TMC1: variants seen among roughly 807,000 people sequenced by gnomAD.
TMC1 encodes transmembrane channel like 1.
In TMC1, 84 loss-of-function variants were observed where a neutral mutation model predicts 105.8. That is an observed-to-expected ratio of 0.79 (90% CI 0.67 to 0.95). The LOEUF (loss-of-function observed/expected upper bound fraction) is 0.95. Among genes scored for constraint, TMC1 ranks in the 40% least tolerant of loss-of-function variants. The pLI is 0.00. For synonymous variants in TMC1, 315 were observed against 311.5 expected, an observed-to-expected ratio of 1.01 and a Z score of -0.12; for missense variants, 817 against 914.1, an observed-to-expected ratio of 0.89 and a Z score of 1.37.
intron 12 of TMC1, among the ~76,000 whole-genome samples, chr9:72,762,138 T>C (rs1827767020): frequency 6.6e-6 from 1 of 152,196 alleles, no homozygotes; most frequent in Non-Finnish European, 1.5e-5. Flanking sequence ...TCTCAGATTG[T>C]ACTACAGTTT....
At chr9:72,599,092 G>A (rs1043391419) in intron 2 of TMC1, among the ~76,000 whole-genome samples, 3 of 152,100 alleles carry the variant, frequency 2.0e-5, no homozygotes, top group African/African-American at 7.2e-5. Context: ...GTACAGTGGT[G>A]CAATCTCAGC....
At chr9:72,540,502 T>C (rs1014717159) in intron 1 of TMC1, among the ~76,000 whole-genome samples, 5 of 36,222 alleles carry the variant, frequency 1.4e-4, no homozygotes, top group African/African-American at 9.9e-4. Context: ...TCGTTCTGAC[T>C]TTTTTTTCTT....
rs370270527 is a variant in TMC1 at position 72,633,609 on chromosome 9, C to T, written c.-53+5546C>T. Among the ~76,000 whole-genome samples, 14 of 152,220 alleles carry T rather than the reference C, an allele frequency of 9.2e-5. No individual in the cohort carries two copies. In the South Asian group the frequency reaches 2.3e-3, roughly 25 times the overall value. On this transcript the variant is annotated intron_variant, in intron 4 of 23. Transcript: ENST00000297784. ...GTTTATTGATTGTTCCCACTCAGTTCGTTTGAGGTGAGGATTAAATGAGTT... is the reference window on the plus strand; with the variant it reads ...GTTTATTGATTGTTCCCACTCAGTTTGTTTGAGGTGAGGATTAAATGAGTT...
rs537902135 is a variant in TMC1, at chr9:72,683,455, G to A, written c.17-5254G>A. On this transcript the variant is annotated intron_variant, in intron 5 of 23. Coordinates refer to ENST00000297784, the MANE Select transcript of TMC1 (RefSeq NM_138691.3). ...GGGCAACTGAATGACCTTATACCTAGAGTTTTCAGAGTATAATATTACACA... is the reference window on the plus strand; with the variant it reads ...GGGCAACTGAATGACCTTATACCTAAAGTTTTCAGAGTATAATATTACACA... Among the ~76,000 whole-genome samples, 39 of 151,602 alleles carry A rather than the reference G, an allele frequency of 2.6e-4. No individual in the cohort carries two copies. In the South Asian group the frequency reaches 7.9e-3, roughly 31 times the overall value.
intron 4 of TMC1, among the ~76,000 whole-genome samples, chr9:72,629,939 C>T (rs1258707544): frequency 6.6e-6 from 1 of 152,040 alleles, no homozygotes; most frequent in Non-Finnish European, 1.5e-5. Context: ...GATCTTGGCT[C>T]ACTGCAACCT....
At chr9:72,759,018 G>A (rs1414896626) in intron 12 of TMC1, among the ~76,000 whole-genome samples, 1 of 152,118 alleles carries the variant, frequency 6.6e-6, no homozygotes, top group Admixed American at 6.5e-5. Context: ...CAGGTATTGG[G>A]TGACTAAAAA....
At chr9:72,581,404 G>T (rs995390780) in intron 2 of TMC1, among the ~76,000 whole-genome samples, 1 of 152,128 alleles carries the variant, frequency 6.6e-6, no homozygotes, top group Non-Finnish European at 1.5e-5. Flanking sequence ...TATTTTTAAT[G>T]AGTTGCTCAT....
At chr9:72,541,338 A>G (rs544933705) in intron 1 of TMC1, among the ~76,000 whole-genome samples, 6 of 152,370 alleles carry the variant, frequency 3.9e-5, no homozygotes, top group Middle Eastern at 3.4e-3. Context: ...CAAACCATAC[A>G]GAACAGTAGA....
At chr9:72,569,438 C>A (rs1320618013) in intron 1 of TMC1, among the ~76,000 whole-genome samples, 11 of 152,024 alleles carry the variant, frequency 7.2e-5, no homozygotes, top group Non-Finnish European at 7.4e-5. Flanking sequence ...ATCATTAAAT[C>A]CATAAAATAA....
chr9:72,737,795 GT>G, intron 8 of TMC1, among the ~76,000 whole-genome samples: 1 of 152,296 alleles, frequency 6.6e-6, no homozygotes, highest in African/African-American at 2.4e-5. Context: ...TGAGAACTTA[GT>G]TTTTAATTTT....
rs970965755 is a variant in TMC1, at chr9:72,622,232, A to C, written c.-195-5689A>C. On this transcript the variant is annotated intron_variant, in intron 3 of 23. Coordinates refer to ENST00000297784, the MANE Select transcript of TMC1 (RefSeq NM_138691.3). ...CAATGGTGGGTCACTTCTATAGATG[A>C]ACTCTGGCCCACCCGCAGCACCAAG... Among the ~76,000 whole-genome samples the C allele has an allele frequency of 4.6e-5, 7 of 152,226 alleles. No individual in the cohort carries two copies. The South Asian group carries it at 1.5e-3, about 32-fold the overall frequency.
chr9:72,650,306 A>G (rs1825780112), intron 5 of TMC1, among the ~76,000 whole-genome samples: 1 of 152,190 alleles, frequency 6.6e-6, no homozygotes, highest in Non-Finnish European at 1.5e-5. Context: ...AAAAAATGAT[A>G]GACTTGCCTG....
Position 72,792,232 on chromosome 9 carries a change from G to T in TMC1, c.1446G>T (p.Trp482Cys). Residue 482 changes from tryptophan to cysteine, a missense_variant, in exon 17 of 24, where the codon TGG becomes TGT. By Grantham distance (215) the Trp-to-Cys change is radical. Transcript: ENST00000297784. ...TAGTAAAGGCCAATATTACCCTTTG[G>T]GAAGCCAATATGATCAAGGCCTACA... ...EKLVKANITL[W>C]EANMIKAYNA... 6.2e-7 allele frequency: 1 copy of T among 1,614,026 alleles called. No homozygotes were observed. The highest frequency in any genetic ancestry group is 1.3e-5 in the African/African-American group (1 of 74,988).
chr9:72,827,537 A>C (rs1828975969), intron 21 of TMC1, among the ~76,000 whole-genome samples: 1 of 152,242 alleles, frequency 6.6e-6, no homozygotes, highest in South Asian at 2.1e-4. Flanking sequence ...GGACCAGAGG[A>C]TCTTGGGAAG....
intron 4 of TMC1, among the ~76,000 whole-genome samples, chr9:72,630,446 A>G (rs2132134998): frequency 6.6e-6 from 1 of 152,354 alleles, no homozygotes; most frequent in East Asian, 1.9e-4. Context: ...CTTTGATTCA[A>G]TAGCACTAGG....
intron 8 of TMC1, among the ~76,000 whole-genome samples, chr9:72,730,612 A>C (rs1827195417): frequency 6.6e-6 from 1 of 152,184 alleles, no homozygotes; most frequent in Non-Finnish European, 1.5e-5. Context: ...CATGGATGAC[A>C]ATTTTTCCAT....
intron 8 of TMC1, among the ~76,000 whole-genome samples, chr9:72,723,748 C>G (rs1196128602): frequency 6.6e-6 from 1 of 152,156 alleles, no homozygotes; most frequent in Non-Finnish European, 1.5e-5. Flanking sequence ...CTGTAAAACA[C>G]AGGCTAAATA....
At chr9:72,650,448 C>G (rs1825783706) in intron 5 of TMC1, among the ~76,000 whole-genome samples, 2 of 152,022 alleles carry the variant, frequency 1.3e-5, no homozygotes, top group South Asian at 4.2e-4. Context: ...ATAAGTGATG[C>G]CTTACTATGA....
intron 13 of TMC1, among the ~76,000 whole-genome samples, chr9:72,774,807 T>C (rs1232384746): frequency 6.6e-6 from 1 of 152,182 alleles, no homozygotes; most frequent in Non-Finnish European, 1.5e-5. Context: ...TGATGAGATA[T>C]AAATCTTTGT....
Sources: allele counts gnomAD v4.1 joint callset (sites outside exome capture counted in the v4.1 genomes callset), GRCh38; gene constraint gnomAD v4.1.1; transcripts MANE v1.5; gene names NCBI Gene and HGNC (gene_info 2026-07-23, HGNC 2026-07-21).